NXPE1: variants seen among roughly 807,000 people sequenced by gnomAD.
NXPE1 encodes neurexophilin and PC-esterase domain family member 1, also known as NXPE family member 1.
In NXPE1, 31 loss-of-function variants were observed where a neutral mutation model predicts 33.3. The ratio of observed to expected loss-of-function variants is 0.93; its 90% CI spans 0.70 to 1.26. NXPE1 has a LOEUF of 1.26. Ranked by LOEUF, NXPE1 falls within the 50% of genes most tolerant of loss-of-function variation. NXPE1 has a pLI of 0.00. For missense variants in NXPE1, 661 were observed against 655.6 expected (o/e 1.01, Z -0.09); for synonymous variants, 229 against 231.4 (o/e 0.99, Z 0.09).
chr11:114,551,923 A>T (rs1308402917), intron 3 of NXPE1, 51 bp downstream of exon 3: 1 of 152,206 alleles, frequency 6.6e-6, no homozygotes, highest in African/African-American at 2.4e-5. Flanking sequence ...TATGATTTAA[A>T]TAGCTTATTT....
chr11:114,548,140 G>A (rs1306857771), intron 5 of NXPE1, among the ~76,000 whole-genome samples: 1 of 152,070 alleles, frequency 6.6e-6, no homozygotes, highest in African/African-American at 2.4e-5. Context: ...TAAAACACAA[G>A]CAATGAATAT....
At chr11:114,553,646 T>C in intron 1 of NXPE1, 1 of 872,478 alleles carries the variant, frequency 1.1e-6, no homozygotes, top group Non-Finnish European at 1.4e-6. Context: ...CTTAGAATCC[T>C]ATGGCCAGAT....
intron 6 of NXPE1, among the ~76,000 whole-genome samples, chr11:114,528,631 C>A: frequency 6.6e-6 from 1 of 152,294 alleles, no homozygotes; most frequent in Non-Finnish European, 1.5e-5. Context: ...ATGTACCTTA[C>A]ATTTCTTTCC....
rs550114973 is a variant in NXPE1 at position 114,551,359 on chromosome 11, C to T, written c.-11+24G>A. 2.1e-6 allele frequency: 3 copies of T among 1,414,768 alleles called. No individual in the cohort carries two copies. The African/African-American group carries it at 4.3e-5, about 20-fold the overall frequency. 87.6% of individuals were successfully genotyped at this position (1,414,768 alleles called of 1,614,324 possible). On this transcript the variant is annotated intron_variant, in intron 4 of 8. Transcript: ENST00000534921. Reference sequence around the variant, plus strand: ...TCTTTCCCTCTGCTAACTAACAACTCATACCCCCAATCCCTTTGTCTACCT... The same window carrying T: ...TCTTTCCCTCTGCTAACTAACAACTTATACCCCCAATCCCTTTGTCTACCT...
chr11:114,546,305 TGTGGTAG>T (rs771278846), intron 5 of NXPE1, among the ~76,000 whole-genome samples: 17 of 152,062 alleles, frequency 1.1e-4, no homozygotes, highest in South Asian at 2.1e-4. Context: ...TCATGATTGA[TGTGGTAG>T]GTGAAGGCTA....
intron 5 of NXPE1, among the ~76,000 whole-genome samples, chr11:114,542,208 T>A (rs1948122597): frequency 6.6e-6 from 1 of 152,200 alleles, no homozygotes; most frequent in African/African-American, 2.4e-5. Context: ...AACATCAATA[T>A]TTTGTCAAAA....
intron 5 of NXPE1, among the ~76,000 whole-genome samples, chr11:114,536,538 G>T (rs1382731737): frequency 6.6e-6 from 1 of 151,996 alleles, no homozygotes; most frequent in Non-Finnish European, 1.5e-5. Context: ...CCGCTAGCAA[G>T]ACTAATAAAG....
chr11:114,530,691 A>T (rs1329909603), exon 6 of NXPE1: 1 of 1,613,968 alleles, frequency 6.2e-7, no homozygotes, highest in Non-Finnish European at 8.5e-7. Context: ...TCGAGGGTTG[A>T]GGATGGTGGC....
At chr11:114,536,890 C>T (rs971327705) in intron 5 of NXPE1, among the ~76,000 whole-genome samples, 10 of 152,158 alleles carry the variant, frequency 6.6e-5, no homozygotes, top group African/African-American at 2.2e-4. Context: ...TGAAACTATT[C>T]CAATCAGTAG....
chr11:114,538,504 G>T (rs1029487605), intron 5 of NXPE1, among the ~76,000 whole-genome samples: 39 of 152,106 alleles, frequency 2.6e-4, no homozygotes, highest in African/African-American at 9.4e-4. Flanking sequence ...CCTACAAAAT[G>T]GGAGAAAATT....
chr11:114,544,425 T>C (rs1437915299), intron 5 of NXPE1, among the ~76,000 whole-genome samples: 1 of 152,086 alleles, frequency 6.6e-6, no homozygotes, highest in Non-Finnish European at 1.5e-5. Flanking sequence ...AACAAATGCA[T>C]ACAAATATTA....
At chr11:114,534,447 C>T (rs1249435808) in intron 5 of NXPE1, among the ~76,000 whole-genome samples, 5 of 152,156 alleles carry the variant, frequency 3.3e-5, no homozygotes, top group East Asian at 1.9e-4. Context: ...ATGACTTTGA[C>T]GAGTTGAGAG....
chr11:114,552,809 T>G, intron 2 of NXPE1, 43 bp downstream of exon 2: 1 of 854,942 alleles, frequency 1.2e-6, no homozygotes, highest in Non-Finnish European at 1.4e-6. Flanking sequence ...AATCTCCTTT[T>G]CATAGATCTT....
chr11:114,556,086 C>T (rs1223700670), intron 1 of NXPE1, among the ~76,000 whole-genome samples: 1 of 152,126 alleles, frequency 6.6e-6, no homozygotes, highest in African/African-American at 2.4e-5. Flanking sequence ...CTACAAAAAG[C>T]CTACTGGAAT....
intron 5 of NXPE1, among the ~76,000 whole-genome samples, chr11:114,535,319 G>T (rs2134999734): frequency 6.6e-6 from 1 of 152,302 alleles, no homozygotes; most frequent in African/African-American, 2.4e-5. Context: ...ACCAGCCACT[G>T]CAAAAACAAG....
exon 5 of NXPE1, chr11:114,551,171 G>T (rs1386078249): frequency 6.5e-7 from 1 of 1,535,176 alleles, no homozygotes; most frequent in South Asian, 1.2e-5. Context: ...AAGATCAGCA[G>T]CGTTTTTTGA....
At chr11:114,556,038 G>A (rs1948640049) in intron 1 of NXPE1, among the ~76,000 whole-genome samples, 1 of 152,188 alleles carries the variant, frequency 6.6e-6, no homozygotes, top group Admixed American at 6.5e-5. Context: ...TGGAATGACA[G>A]GGCCATATGG....
At chr11:114,521,396 C>T (rs978070517), downstream of NXPE1, among the ~76,000 whole-genome samples, 1 of 152,148 alleles carries the variant, frequency 6.6e-6, no homozygotes, top group Non-Finnish European at 1.5e-5. Context: ...GAAGAGACTC[C>T]TTTGGGTTAC....
chr11:114,539,938 A>C (rs924785560), intron 5 of NXPE1, among the ~76,000 whole-genome samples: 1 of 152,212 alleles, frequency 6.6e-6, no homozygotes, highest in Non-Finnish European at 1.5e-5. Context: ...TACATACTAA[A>C]GTTCCAAATG....
Sources: allele counts gnomAD v4.1 joint callset (sites outside exome capture counted in the v4.1 genomes callset), GRCh38; gene constraint gnomAD v4.1.1; transcripts MANE v1.5; gene names NCBI Gene and HGNC (gene_info 2026-07-23, HGNC 2026-07-21).